Variants in NBAS observed in about 807,000 individuals in gnomAD.
NBAS encodes NAG/BC035112 fusion.
In NBAS, 219 loss-of-function variants were observed where a neutral mutation model predicts 302.5. That is an observed-to-expected ratio of 0.72 (90% confidence interval 0.65 to 0.81). NBAS has a LOEUF of 0.81. Ranked by LOEUF, NBAS falls within the 30% of genes least tolerant of loss-of-function variation. The pLI is 0.00. For missense variants in NBAS, 2,932 were observed against 2,841.6 expected (o/e 1.03, Z -0.72); for synonymous variants, 1,118 against 1,021.6 (o/e 1.09, Z -1.80).
At chr2:14,786,160 T>C in the NBAS span, among the ~76,000 whole-genome samples, 2 of 152,204 alleles carry the variant, frequency 1.3e-5, 1 homozygote, top group Non-Finnish European at 2.9e-5. Flanking sequence ...GTGGGATTGG[T>C]GGTGATATCC....
the NBAS span, among the ~76,000 whole-genome samples, chr2:14,811,234 T>A: frequency 1.3e-5 from 2 of 152,226 alleles, no homozygotes; most frequent in South Asian, 4.2e-4. Flanking sequence ...ATAATGAGAC[T>A]CTGTATCTAC....
At chr2:15,467,460 T>C in intron 18 of NBAS, 53 bp from the exon 19 acceptor site, 1 of 1,464,430 alleles carries the variant, frequency 6.8e-7, no homozygotes, top group Non-Finnish European at 9.6e-7. Flanking sequence ...ATTATTTCTC[T>C]AGGAGTTATA....
At chr2:14,813,266 C>T in the NBAS span, among the ~76,000 whole-genome samples, 71 of 152,062 alleles carry the variant, frequency 4.7e-4, no homozygotes, top group Admixed American at 7.9e-4. Flanking sequence ...AGAGGTTGGA[C>T]GAATTTGGAG....
At chr2:14,924,755 T>C in the NBAS span, among the ~76,000 whole-genome samples, 1 of 152,158 alleles carries the variant, frequency 6.6e-6, no homozygotes, top group African/African-American at 2.4e-5. Context: ...GCTGAAGACC[T>C]CACTTCATTT....
At chr2:15,544,430 TTC>T (rs980175298) in intron 6 of NBAS, among the ~76,000 whole-genome samples, 1 of 151,126 alleles carries the variant, frequency 6.6e-6, no homozygotes. Flanking sequence ...AGGGAGGGAA[TTC>T]TCTATGGGAA....
the NBAS span, among the ~76,000 whole-genome samples, chr2:14,865,195 G>A: frequency 4.6e-5 from 7 of 152,100 alleles, no homozygotes; most frequent in African/African-American, 1.7e-4. Context: ...GGAGGTGGTG[G>A]GGTGAGTGGG....
At position 15,401,787 on chromosome 2, in the gene NBAS, T is replaced by C. The variant is rs183579461; in HGVS notation, c.3071+381A>G. The stretch of plus-strand genomic sequence containing the variant: ...ACTATAGGCAAAGGCCAAGAAGAAA[T>C]AATTCATAGAATAAATATAATTAGC... On this transcript the variant is annotated intron_variant, in intron 26 of 51. Coordinates refer to ENST00000281513, the MANE Select transcript of NBAS (RefSeq NM_015909.4). Among the ~76,000 whole-genome samples the C allele has an allele frequency of 5.9e-5, 9 of 152,234 alleles. No individual in the cohort carries two copies. The East Asian group carries it at 1.5e-3, about 26-fold the overall frequency.
the NBAS span, among the ~76,000 whole-genome samples, chr2:14,986,257 TA>T: frequency 6.6e-6 from 1 of 151,770 alleles, no homozygotes; most frequent in African/African-American, 2.4e-5. Flanking sequence ...TTCAACTAAC[TA>T]AAAAGATATG....
the NBAS span, among the ~76,000 whole-genome samples, chr2:14,998,228 T>C: frequency 6.6e-6 from 1 of 152,184 alleles, no homozygotes; most frequent in Non-Finnish European, 1.5e-5. Context: ...CTTCTTCCTT[T>C]GATAGATTTT....
intron 21 of NBAS, among the ~76,000 whole-genome samples, chr2:15,450,751 A>G (rs1678967115): frequency 6.6e-6 from 1 of 152,246 alleles, no homozygotes. Flanking sequence ...GTGAAACAAT[A>G]TAAAGCAATT....
At chr2:15,098,472 TA>T in the NBAS span, among the ~76,000 whole-genome samples, 1 of 99,994 alleles carries the variant, frequency 1.0e-5, no homozygotes, top group African/African-American at 4.6e-5. Flanking sequence ...ATATTGTATA[TA>T]ATATGTTATA....
intron 38 of NBAS, among the ~76,000 whole-genome samples, chr2:15,316,248 C>A (rs957600346): frequency 6.6e-6 from 1 of 152,122 alleles, no homozygotes; most frequent in African/African-American, 2.4e-5. Context: ...TTAACTCTCC[C>A]CCCGTTCCAA....
chr2:15,501,294 A>G (rs1350227692), intron 11 of NBAS, among the ~76,000 whole-genome samples: 1 of 152,068 alleles, frequency 6.6e-6, no homozygotes, highest in Non-Finnish European at 1.5e-5. Flanking sequence ...AAAAAAAAAA[A>G]GATAATATTA....
At chr2:14,872,160 G>A in the NBAS span, among the ~76,000 whole-genome samples, 1 of 152,056 alleles carries the variant, frequency 6.6e-6, no homozygotes, top group African/African-American at 2.4e-5. Flanking sequence ...AACAGAGAGA[G>A]GGTCATTTGA....
At chr2:14,788,940 G>A in the NBAS span, among the ~76,000 whole-genome samples, 5 of 152,230 alleles carry the variant, frequency 3.3e-5, no homozygotes, top group African/African-American at 1.2e-4. Flanking sequence ...CAGAGGTGGA[G>A]CCTACAGAGG....
At chr2:14,963,909 T>C in the NBAS span, among the ~76,000 whole-genome samples, 1 of 152,198 alleles carries the variant, frequency 6.6e-6, no homozygotes, top group Non-Finnish European at 1.5e-5. Context: ...GGCTGGAACA[T>C]CTCATAATTC....
intron 42 of NBAS, among the ~76,000 whole-genome samples, chr2:15,283,297 A>T (rs552313839): frequency 7.7e-4 from 117 of 152,330 alleles, no homozygotes; most frequent in African/African-American, 2.7e-3. Flanking sequence ...TAATCATAAT[A>T]GCCTTGATAT....
intron 30 of NBAS, among the ~76,000 whole-genome samples, chr2:15,379,346 C>T (rs1674914260): frequency 6.6e-6 from 1 of 150,874 alleles, no homozygotes; most frequent in Non-Finnish European, 1.5e-5. Context: ...TCTCTTCCAA[C>T]AGAAGAGAAA....
chr2:15,147,547 G>C, the NBAS span, among the ~76,000 whole-genome samples: 1 of 151,932 alleles, frequency 6.6e-6, no homozygotes, highest in African/African-American at 2.4e-5. Flanking sequence ...AGCCAAGATC[G>C]CACCATTGCA....
Sources: allele counts gnomAD v4.1 joint callset (sites outside exome capture counted in the v4.1 genomes callset), GRCh38; gene constraint gnomAD v4.1.1; transcripts MANE v1.5; gene names NCBI Gene and HGNC (gene_info 2026-07-23, HGNC 2026-07-21).